The following APPBP2 variants were observed in gnomAD, a reference collection of about 807,000 sequenced individuals.
APPBP2 encodes the protein amyloid beta precursor protein binding protein 2.
In APPBP2, 15 loss-of-function variants were observed where a neutral mutation model predicts 76.0. The observed-to-expected ratio is 0.20, with a 90% confidence interval of 0.13 to 0.30. The LOEUF (loss-of-function observed/expected upper bound fraction) is 0.30, where lower values mean the gene tolerates loss of function less well. Among genes scored for constraint, APPBP2 ranks in the 10% least tolerant of loss-of-function variants. APPBP2 has a pLI of 1.00. For synonymous variants in APPBP2, 222 were observed against 242.2 expected (o/e 0.92, Z 0.77); for missense variants, 401 against 687.2 (o/e 0.58, Z 4.66).
intron 3 of APPBP2, among the ~76,000 whole-genome samples, chr17:60,492,896 C>G (rs1221799406): frequency 1.3e-5 from 2 of 152,036 alleles, no homozygotes; most frequent in Non-Finnish European, 1.5e-5. Context: ...TTGCGAGGGG[C>G]CAGGGTGGAA....
In APPBP2 at chr17:60,503,851, C is replaced by T. The variant is rs146966534; in HGVS notation, c.139-3364G>A. Among the ~76,000 whole-genome samples, 56 of 130,642 alleles carry T rather than the reference C, an allele frequency of 4.3e-4. No homozygotes were observed. The East Asian group carries it at 9.5e-3, about 22-fold the overall frequency. The allele number at this position is 130,642 out of a possible 152,430, so 85.7% of individuals were successfully genotyped here. A position where few individuals can be genotyped will look rare whatever the true frequency, so the allele number is the denominator to read the frequency against. ...ACTGAGTCATATACAGTTAAATAAC[C>T]TTCTCAAAATCATATAATTAGGATG... On this transcript the variant is annotated intron_variant, in intron 1 of 12. Coordinates refer to ENST00000083182, the MANE Select transcript of APPBP2 (RefSeq NM_006380.5).
At chr17:60,486,250 CTTG>C (rs1438201864) in intron 3 of APPBP2, among the ~76,000 whole-genome samples, 1 of 152,110 alleles carries the variant, frequency 6.6e-6, no homozygotes, top group Non-Finnish European at 1.5e-5. Flanking sequence ...CCTGGATATC[CTTG>C]TTAACCTTCT....
chr17:60,483,352 C>T (rs576409085), intron 3 of APPBP2, among the ~76,000 whole-genome samples: 2 of 152,118 alleles, frequency 1.3e-5, no homozygotes, highest in South Asian at 4.1e-4. Context: ...AGGTAGATTG[C>T]AAAAATTTTC....
intron 1 of APPBP2, among the ~76,000 whole-genome samples, chr17:60,518,684 TGTAG>T (rs1231099148): frequency 1.3e-5 from 2 of 152,116 alleles, no homozygotes; most frequent in African/African-American, 2.4e-5. Flanking sequence ...TTAATTTTTT[TGTAG>T]AGACAGGGTC....
In APPBP2 at chr17:60,447,835, C is replaced by A; in HGVS notation, c.1505-1G>T. On this transcript the variant is annotated splice_acceptor_variant, in intron 12 of 12. Coordinates refer to ENST00000083182, the MANE Select transcript of APPBP2 (RefSeq NM_006380.5). LOFTEE classifies it high-confidence loss of function. ...TAGCCCTCACCAAAAAGTTTCTTCC[C>A]TGTAACAAAAAAGAAAAAGGAAAAA... 1.9e-6 allele frequency: 3 copies of A among 1,547,722 alleles called. No homozygotes were observed. Among genetic ancestry groups the A allele is most frequent in the Non-Finnish European group, 2.6e-6 (3 of 1,149,758 alleles).
rs1390309313 is a variant in APPBP2 at position 60,526,217 on chromosome 17, C to T, written c.-286G>A. 9.6e-6 allele frequency: 4 copies of T among 416,872 alleles called. No individual in the cohort carries two copies. The highest frequency in any genetic ancestry group is 1.8e-5 in the Non-Finnish European group (4 of 222,432). 25.8% of individuals were successfully genotyped at this position (416,872 alleles called of 1,614,324 possible). The stretch of plus-strand genomic sequence containing the variant: ...ACCCGGGTTCCGTCCCAGCGCTGAT[C>T]TCTGCAGGGGCGGGGCTGCGTGTGC... On this transcript the variant is annotated 5_prime_UTR_variant, in exon 1 of 13. Transcript: ENST00000083182.
chr17:60,513,997 T>TAAAAAA (rs35785295), intron 1 of APPBP2, among the ~76,000 whole-genome samples: 6 of 108,562 alleles, frequency 5.5e-5, no homozygotes, highest in East Asian at 2.6e-4. Context: ...TTCCCCACAT[T>TAAAAAA]AAAAAAAAAA....
intron 3 of APPBP2, among the ~76,000 whole-genome samples, chr17:60,485,886 T>G (rs2090673194): frequency 6.6e-6 from 1 of 152,218 alleles, no homozygotes; most frequent in Non-Finnish European, 1.5e-5. Flanking sequence ...TCCCAGAGAT[T>G]CTGGTTCGTT....
At chr17:60,517,895 T>C (rs921733549) in intron 1 of APPBP2, among the ~76,000 whole-genome samples, 2 of 152,208 alleles carry the variant, frequency 1.3e-5, no homozygotes, top group African/African-American at 2.4e-5. Flanking sequence ...TTAATGTTCA[T>C]TGGCCATTCA....
intron 8 of APPBP2, chr17:60,461,241 G>A (rs1413547025): frequency 6.5e-6 from 1 of 153,814 alleles, no homozygotes; most frequent in Non-Finnish European, 1.4e-5. Context: ...CGGGCATTGT[G>A]GCACGGGCCT....
chr17:60,466,776 T>G (rs1304615429), intron 4 of APPBP2, among the ~76,000 whole-genome samples: 1 of 152,210 alleles, frequency 6.6e-6, no homozygotes, highest in Non-Finnish European at 1.5e-5. Flanking sequence ...ACAAGTAATA[T>G]AGCTTCAGTA....
chr17:60,470,724 C>A (rs1432711992), intron 4 of APPBP2, among the ~76,000 whole-genome samples: 1 of 142,708 alleles, frequency 7.0e-6, no homozygotes, highest in East Asian at 2.1e-4. Flanking sequence ...ATTACAGGCG[C>A]CTGCCACCAT....
intron 3 of APPBP2, among the ~76,000 whole-genome samples, chr17:60,484,176 T>C (rs995520578): frequency 4.6e-5 from 7 of 152,204 alleles, no homozygotes; most frequent in Admixed American, 3.9e-4. Flanking sequence ...CCTCCAGCTT[T>C]GTTCTTTTGG....
rs2090419265 is a variant in APPBP2, at chr17:60,454,621, G to A, written c.1148-129C>T. On this transcript the variant is annotated intron_variant, in intron 10 of 12. Transcript: ENST00000083182. Reference sequence around the variant, plus strand: ...TTATATGTGATTATGGTTTGGAACTGGTCAAGATGAAAGAATTCCACTTTT... The same window carrying A: ...TTATATGTGATTATGGTTTGGAACTAGTCAAGATGAAAGAATTCCACTTTT... 8.9e-6 allele frequency: 5 copies of A among 559,672 alleles called. No homozygotes were observed. In the South Asian group the frequency reaches 2.3e-4, roughly 26 times the overall value. The allele number at this position is 559,672 out of a possible 1,614,324, so 34.7% of individuals were successfully genotyped here.
At chr17:60,492,295 G>C (rs1360668941) in intron 3 of APPBP2, among the ~76,000 whole-genome samples, 2 of 152,212 alleles carry the variant, frequency 1.3e-5, no homozygotes, top group Non-Finnish European at 1.5e-5. Context: ...GGGCAGTGTG[G>C]AAGGGAAATA....
In APPBP2 at chr17:60,447,475, AGTGTTTCAAT is replaced by A; in HGVS notation, c.*96_*105del. On this transcript the variant is annotated 3_prime_UTR_variant, in exon 13 of 13. Coordinates refer to ENST00000083182, the MANE Select transcript of APPBP2 (RefSeq NM_006380.5). ...AATAGGGTCTTCAATGGACTGGACC[AGTGTTTCAAT>A]GCAAATTCCAGCCCCCCAAAACAAC... 7.6e-7 allele frequency: 1 copy of A among 1,321,066 alleles called. No individual in the cohort carries two copies. The highest frequency in any genetic ancestry group is 1.0e-6 in the Non-Finnish European group (1 of 966,514). 81.8% of individuals were successfully genotyped at this position (1,321,066 alleles called of 1,614,324 possible). A position where few individuals can be genotyped will look rare whatever the true frequency, so the allele number is the denominator to read the frequency against.
chr17:60,520,614 T>C (rs956473319), intron 1 of APPBP2, among the ~76,000 whole-genome samples: 42 of 146,816 alleles, frequency 2.9e-4, no homozygotes, highest in African/African-American at 9.8e-4. Context: ...AAACAATACA[T>C]AGAACACACT....
chr17:60,497,467 T>A (rs1223014231), intron 2 of APPBP2, among the ~76,000 whole-genome samples: 1 of 152,180 alleles, frequency 6.6e-6, no homozygotes, highest in South Asian at 2.1e-4. Flanking sequence ...AATAATTTAG[T>A]TCTACATTTT....
chr17:60,518,104 C>G (rs887180359), intron 1 of APPBP2, among the ~76,000 whole-genome samples: 2 of 138,326 alleles, frequency 1.4e-5, no homozygotes, highest in Admixed American at 7.9e-5. Flanking sequence ...CTCATCCTGT[C>G]TGCAGTGCAG....
Sources: gnomAD v4.1 joint callset for allele counts (sites outside exome capture counted in the v4.1 genomes callset) on GRCh38, gnomAD v4.1.1 for gene constraint, MANE v1.5 for transcripts, NCBI Gene and HGNC (gene_info 2026-07-23, HGNC 2026-07-21) for gene names.